The following ZNF251 variants were observed in gnomAD, a reference collection of about 807,000 sequenced individuals.
The protein encoded by ZNF251 is zinc finger protein 251.
A neutral mutation model predicts 13.5 loss-of-function variants in ZNF251; 14 were observed. That is an observed-to-expected ratio of 1.04 (90% CI 0.69 to 1.63). The LOEUF (loss-of-function observed/expected upper bound fraction) is 1.63, where lower values mean the gene tolerates loss of function less well. Among genes scored for constraint, ZNF251 ranks in the 40% most tolerant of loss-of-function variants. ZNF251 has a pLI of 0.00. For missense variants in ZNF251, 764 were observed against 834.9 expected (o/e 0.92, Z 1.05); for synonymous variants, 287 against 295.2 (o/e 0.97, Z 0.28).
chr8:144,743,856 T>C (rs1471998409), intron 4 of ZNF251, among the ~76,000 whole-genome samples: 1 of 152,184 alleles, frequency 6.6e-6, no homozygotes, highest in Non-Finnish European at 1.5e-5. Flanking sequence ...TCTCCTTCCA[T>C]TCGGAGCCTA....
At chr8:144,730,188 C>T (rs939319876) in intron 4 of ZNF251, 65 of 904,204 alleles carry the variant, frequency 7.2e-5, no homozygotes, top group Non-Finnish European at 8.5e-5. Flanking sequence ...GCCTAAAGCC[C>T]CTCCAGGCGC....
intron 4 of ZNF251, among the ~76,000 whole-genome samples, chr8:144,732,546 C>G (rs548803439): frequency 3.3e-5 from 5 of 152,192 alleles, no homozygotes; most frequent in Non-Finnish European, 5.9e-5. Context: ...GGCGCGGTGG[C>G]TCACGCCTGT....
At chr8:144,746,673 C>G (rs1824445040) in intron 4 of ZNF251, among the ~76,000 whole-genome samples, 1 of 151,956 alleles carries the variant, frequency 6.6e-6, no homozygotes, top group Non-Finnish European at 1.5e-5. Flanking sequence ...CAGACATAGC[C>G]CTATTCAGAT....
Position 144,721,473 on chromosome 8 carries a change from G to C in ZNF251, c.*171C>G. On this transcript the variant is annotated 3_prime_UTR_variant, in exon 5 of 5. Coordinates refer to ENST00000292562, the MANE Select transcript of ZNF251 (RefSeq NM_138367.2). ...TTTACACAGACAGCCTGATTTCCCA[G>C]AATGAATTCTCGTGTTTACTTCCAG... is the stretch of plus-strand genomic sequence containing the variant. 1.5e-6 allele frequency: 1 copy of C among 663,542 alleles called. No individual in the cohort carries two copies. Among genetic ancestry groups the C allele is most frequent in the Non-Finnish European group, 2.1e-6 (1 of 467,064 alleles). 41.1% of individuals were successfully genotyped at this position (663,542 alleles called of 1,614,324 possible).
At chr8:144,735,542 A>C (rs1025187163) in intron 4 of ZNF251, among the ~76,000 whole-genome samples, 10 of 152,122 alleles carry the variant, frequency 6.6e-5, no homozygotes, top group Admixed American at 6.6e-4. Flanking sequence ...CATCCCCCAC[A>C]TCTGTCCCTC....
At chr8:144,748,904 G>A (rs1436239027) in intron 4 of ZNF251, among the ~76,000 whole-genome samples, 1 of 152,160 alleles carries the variant, frequency 6.6e-6, no homozygotes, top group Non-Finnish European at 1.5e-5. Context: ...AGGCACTGTG[G>A]CCTGTAATAC....
At chr8:144,754,653 G>C (rs1198757406) in intron 2 of ZNF251, 43 bp downstream of exon 2, 4 of 1,583,206 alleles carry the variant, frequency 2.5e-6, no homozygotes, top group South Asian at 2.3e-5. Flanking sequence ...GACTGGGATG[G>C]GGATGAAGAT....
chr8:144,738,979 C>A (rs1416620042), intron 4 of ZNF251, among the ~76,000 whole-genome samples: 1 of 152,124 alleles, frequency 6.6e-6, no homozygotes, highest in Non-Finnish European at 1.5e-5. Context: ...GCAGCCCTCC[C>A]AGGGGACTAC....
chr8:144,754,497 C>G, intron 2 of ZNF251, 176 bp from the exon 3 acceptor site: 1 of 1,446,868 alleles, frequency 6.9e-7, no homozygotes, highest in Non-Finnish European at 9.1e-7. Context: ...CCAACTTCAG[C>G]TACACGGGGA....
At chr8:144,737,144 G>A (rs112599884) in intron 4 of ZNF251, among the ~76,000 whole-genome samples, 7,133 of 151,914 alleles carry the variant, frequency 0.047, 312 homozygotes, top group African/African-American at 0.11. Context: ...TGTTGCCCAG[G>A]CTGGAGTACA....
At chr8:144,754,609 G>A (rs944563848) in intron 2 of ZNF251, 87 bp downstream of exon 2, 9 of 1,504,074 alleles carry the variant, frequency 6.0e-6, no homozygotes, top group African/African-American at 2.8e-5. Context: ...CTTACCAGTT[G>A]CCGGGCTCAC....
chr8:144,735,357 G>A (rs578009709), intron 4 of ZNF251, among the ~76,000 whole-genome samples: 2 of 147,054 alleles, frequency 1.4e-5, no homozygotes, highest in East Asian at 3.9e-4. Flanking sequence ...ATTGCAGCCT[G>A]GGCAACAGAG....
chr8:144,729,693 C>T (rs1823635973), intron 4 of ZNF251, among the ~76,000 whole-genome samples: 1 of 152,008 alleles, frequency 6.6e-6, no homozygotes, highest in Admixed American at 6.6e-5. Flanking sequence ...CGTAACTGCC[C>T]GCTTAAAAAT....
chr8:144,737,194 C>A (rs1297002743), intron 4 of ZNF251, among the ~76,000 whole-genome samples: 2 of 151,696 alleles, frequency 1.3e-5, no homozygotes, highest in African/African-American at 2.4e-5. Flanking sequence ...ACCTTCCAGG[C>A]TCAAGCAATC....
In ZNF251 at chr8:144,722,124, G is replaced by A. The variant is rs1377449594; in HGVS notation, c.1536C>T (p.Ser512=). ...GTTTTCTGCACTTACGAGTCTCTCC[G>A]CTGTGAACTTTCTGATGCTGAATGA... ...STLIQHQKVH[S]GETRKCRKHG... is the part of the protein sequence containing the mutation. The change falls in exon 5 of 5, where the codon AGC becomes AGT. Residue 512 remains serine (S), a synonymous_variant. Transcript: ENST00000292562. The surrounding 1 kb of genome is among the most constrained non-coding windows in gnomAD (Gnocchi z 4.8). 9 of 1,613,870 alleles carry A rather than the reference G, an allele frequency of 5.6e-6. No individual in the cohort carries two copies. Among genetic ancestry groups the A allele is most frequent in the African/African-American group, 2.7e-5 (2 of 74,886 alleles).
Position 144,722,578 on chromosome 8 carries a change from C to G in ZNF251, c.1082G>C (p.Ser361Thr). The G allele has an allele frequency of 1.2e-6, 2 of 1,613,960 alleles. No individual in the cohort carries two copies. Among genetic ancestry groups the G allele is most frequent in the Non-Finnish European group, 1.7e-6 (2 of 1,179,974 alleles). ...CSHCGKAFSRSSSLIQHERIH... is the reference protein window; with the variant it reads ...CSHCGKAFSRTSSLIQHERIH... ...TCTCTCATGCTGAATAAGGCTGGAG[C>G]TTCGACTGAAGGCCTTCCCACAGTG... is the stretch of plus-strand genomic sequence containing the variant. The change falls in exon 5 of 5, where the codon AGC becomes ACC. Residue 361 changes from serine (S) to threonine (T), a missense_variant. Ser to Thr is a moderately conservative substitution (Grantham distance 58). Transcript: ENST00000292562. This position sits in a 1 kb window ranked among gnomAD's most constrained non-coding sequence, Gnocchi z 4.8.
rs558918377 is a variant in ZNF251 at position 144,741,705 on chromosome 8, A to G, written c.277+11978T>C. ...AGTCATTCTGGAACTGAAGAACACA[A>G]TCTCTGAAATAAAGCATTACTTGAC... is the stretch of plus-strand genomic sequence containing the variant. On this transcript the variant is annotated intron_variant, in intron 4 of 4. Coordinates refer to ENST00000292562, the MANE Select transcript of ZNF251 (RefSeq NM_138367.2). Among the ~76,000 whole-genome samples, 18 of 152,366 alleles carry G rather than the reference A, an allele frequency of 1.2e-4. No individual in the cohort carries two copies. The South Asian group carries it at 2.1e-3, about 18-fold the overall frequency.
At chr8:144,738,229 G>A (rs1823993569) in intron 4 of ZNF251, among the ~76,000 whole-genome samples, 1 of 152,196 alleles carries the variant, frequency 6.6e-6, no homozygotes, top group Non-Finnish European at 1.5e-5. Context: ...GCCTCGTGGA[G>A]TCTCAGGAGG....
At chr8:144,733,744 G>A (rs573340959) in intron 4 of ZNF251, among the ~76,000 whole-genome samples, 5 of 152,200 alleles carry the variant, frequency 3.3e-5, no homozygotes, top group African/African-American at 9.6e-5. Context: ...CAGGCGTGCC[G>A]TGTACCCCCA....
Sources: gnomAD v4.1 joint callset for allele counts (sites outside exome capture counted in the v4.1 genomes callset) on GRCh38, gnomAD v4.1.1 for gene constraint, Gnocchi (gnomAD v3.1) non-coding constraint, MANE v1.5 for transcripts, NCBI Gene and HGNC (gene_info 2026-07-23, HGNC 2026-07-21) for gene names.